Variants in LAMA1 observed in about 807,000 individuals in gnomAD.
LAMA1 encodes laminin subunit alpha-1.
Under a neutral mutation model 348.7 loss-of-function variants are expected in LAMA1, and 219 were observed. That is an observed-to-expected ratio of 0.63 (90% CI 0.56 to 0.70). LAMA1 has a LOEUF of 0.70. Among genes scored for constraint, LAMA1 ranks in the 30% least tolerant of loss-of-function variants. The pLI is 0.00. For synonymous variants in LAMA1, 1,487 were observed against 1,491.0 expected, an observed-to-expected ratio of 1.00 and a Z score of 0.06; for missense variants, 3,744 against 3,888.0, an observed-to-expected ratio of 0.96 and a Z score of 0.99.
chr18:7,052,928 G>A lies in LAMA1; in HGVS notation c.346-1992C>T, dbSNP rs559834422. ...CCGACTACTCGGGAGGCTGAGGCAG[G>A]AGAATCGCTTGAACCCAGGAGGCGG... On this transcript the variant is annotated intron_variant, in intron 3 of 62. Transcript: ENST00000389658. Among the ~76,000 whole-genome samples, 6 of 152,184 alleles carry A rather than the reference G, an allele frequency of 3.9e-5. No individual in the cohort carries two copies. The South Asian group carries it at 1.2e-3, about 32-fold the overall frequency.
intron 19 of LAMA1, among the ~76,000 whole-genome samples, chr18:7,019,307 C>T (rs957171478): frequency 6.6e-6 from 1 of 152,078 alleles, no homozygotes; most frequent in African/African-American, 2.4e-5. Flanking sequence ...TTTGCATCGC[C>T]CTCTTCCTGT....
chr18:7,076,585 G>A (rs2058169218), intron 3 of LAMA1, among the ~76,000 whole-genome samples: 1 of 151,360 alleles, frequency 6.6e-6, no homozygotes, highest in Admixed American at 6.6e-5. Flanking sequence ...TTTTTTAAGT[G>A]AAGGACAATT....
At chr18:7,075,338 C>T (rs1284745699) in intron 3 of LAMA1, among the ~76,000 whole-genome samples, 2 of 152,072 alleles carry the variant, frequency 1.3e-5, no homozygotes, top group Non-Finnish European at 2.9e-5. Flanking sequence ...TAAAAAAGCA[C>T]AAGGTCAGGC....
chr18:6,951,526 A>T (rs1175694515), intron 57 of LAMA1, among the ~76,000 whole-genome samples: 6 of 152,198 alleles, frequency 3.9e-5, no homozygotes, highest in Non-Finnish European at 8.8e-5. Context: ...ATGTGGCTCC[A>T]ACATAGGGAG....
chr18:6,990,533 C>T (rs1048909098), intron 36 of LAMA1, among the ~76,000 whole-genome samples: 12 of 152,238 alleles, frequency 7.9e-5, no homozygotes, highest in African/African-American at 2.9e-4. Context: ...TGGAGCTGCC[C>T]GAGAAGAGCA....
At chr18:7,075,512 C>T (rs540020118) in intron 3 of LAMA1, among the ~76,000 whole-genome samples, 2 of 152,142 alleles carry the variant, frequency 1.3e-5, no homozygotes, top group South Asian at 2.1e-4. Flanking sequence ...ATCCCAGCTA[C>T]TCAGAAGGCT....
At chr18:7,065,863 G>A (rs1343118221) in intron 3 of LAMA1, among the ~76,000 whole-genome samples, 1 of 152,210 alleles carries the variant, frequency 6.6e-6, no homozygotes, top group Non-Finnish European at 1.5e-5. Context: ...TGACCTCACA[G>A]TTTTCCTAGC....
chr18:7,077,859 G>A (rs1048723773), intron 3 of LAMA1, among the ~76,000 whole-genome samples: 1 of 151,656 alleles, frequency 6.6e-6, no homozygotes, highest in Admixed American at 6.6e-5. Flanking sequence ...GCTGGACGTG[G>A]TGCTCATGCC....
In LAMA1 at chr18:6,977,734, G is replaced by A; in HGVS notation, c.6338C>T (p.Ala2113Val). Residue 2113 changes from alanine (A) to valine (V), a missense_variant, in exon 44 of 63, where the codon GCA becomes GTA. By Grantham distance (64) the Ala-to-Val change is moderately conservative. Around this residue, in one of 3 missense-constraint regions of LAMA1, gnomAD observed 1,983 missense variants for 1,934.3 expected, o/e 1.03. Coordinates refer to ENST00000389658, the MANE Select transcript of LAMA1 (RefSeq NM_005559.4). ...ACGGGGCCCCAAACTCACAGAAGCT[G>A]CTTGTTTGCGGGCCTGGCTGATCAA... ...KLLISQARKQ[A>V]ASIKVAVSAD... 1.2e-6 allele frequency: 2 copies of A among 1,614,106 alleles called. No homozygotes were observed. Among genetic ancestry groups the A allele is most frequent in the Non-Finnish European group, 1.7e-6 (2 of 1,179,984 alleles).
chr18:7,019,278 C>T (rs1437852895), intron 19 of LAMA1, among the ~76,000 whole-genome samples: 2 of 152,124 alleles, frequency 1.3e-5, no homozygotes, highest in African/African-American at 2.4e-5. Flanking sequence ...GGAAGGGACC[C>T]CGTGACCTCC....
chr18:7,017,188 A>G lies in LAMA1; in HGVS notation c.2808+90T>C, dbSNP rs2057892732. On this transcript the variant is annotated intron_variant, in intron 20 of 62. Coordinates refer to ENST00000389658, the MANE Select transcript of LAMA1 (RefSeq NM_005559.4). Reference sequence around the variant, plus strand: ...CTCTATAGCAGTGTGAGAACAAACTAATACACTTGGGGACTTAGCTCCTTC... The same window carrying G: ...CTCTATAGCAGTGTGAGAACAAACTGATACACTTGGGGACTTAGCTCCTTC... 6 of 982,876 alleles carry G rather than the reference A, an allele frequency of 6.1e-6. No individual in the cohort carries two copies. In the East Asian group the frequency reaches 1.5e-4, roughly 25 times the overall value. 60.9% of individuals were successfully genotyped at this position (982,876 alleles called of 1,614,324 possible). A position where few individuals can be genotyped will look rare whatever the true frequency, so the allele number is the denominator to read the frequency against.
intron 36 of LAMA1, among the ~76,000 whole-genome samples, chr18:6,986,576 A>G (rs925197232): frequency 6.8e-6 from 1 of 147,050 alleles, no homozygotes; most frequent in East Asian, 2.0e-4. Context: ...TTAGTGGTGC[A>G]TCTCACAGAT....
At chr18:7,055,738 C>A (rs2058078901) in intron 3 of LAMA1, among the ~76,000 whole-genome samples, 1 of 152,134 alleles carries the variant, frequency 6.6e-6, no homozygotes, top group African/African-American at 2.4e-5. Context: ...TATCTCTGAG[C>A]ATGAGCTACT....
chr18:6,997,837 T>A lies in LAMA1; in HGVS notation c.4711A>T (p.Ile1571Phe). The A allele has an allele frequency of 6.2e-7, 1 of 1,614,126 alleles. No homozygotes were observed. The highest frequency in any genetic ancestry group is 8.5e-7 in the Non-Finnish European group (1 of 1,180,014). Reference protein sequence around the residue: ...VGVLLNDLDEIGDAVLSLNLT... With the variant: ...VGVLLNDLDEFGDAVLSLNLT... ...TTCAGAGAAAGAACGGCATCACCAA[T>A]CTCATCCAAGTCATTCAGCAGCACA... Residue 1571 changes from isoleucine (I) to phenylalanine (F), a missense_variant, in exon 33 of 63, where the codon ATT becomes TTT. Ile to Phe is a conservative substitution (Grantham distance 21). Transcript: ENST00000389658.
intron 27 of LAMA1, 39 bp downstream of exon 27, chr18:7,009,200 T>C (rs765439397): frequency 9.3e-6 from 15 of 1,613,100 alleles, no homozygotes; most frequent in Non-Finnish European, 1.2e-5. Flanking sequence ...TGCTTTCAAA[T>C]ATGAAAATAA....
At chr18:6,979,728 T>C (rs1205751830) in intron 42 of LAMA1, among the ~76,000 whole-genome samples, 2 of 151,840 alleles carry the variant, frequency 1.3e-5, no homozygotes, top group African/African-American at 4.8e-5. Context: ...TGAAACCCCA[T>C]CTCTACTAAA....
intron 17 of LAMA1, 121 bp downstream of exon 17, chr18:7,025,857 TG>T (rs1297153910): frequency 2.9e-6 from 4 of 1,392,844 alleles, no homozygotes; most frequent in Middle Eastern, 2.5e-4. Flanking sequence ...CCAAATCAAT[TG>T]TCACTGGGCA....
chr18:6,942,584 T>C (rs1356823267), intron 62 of LAMA1, among the ~76,000 whole-genome samples: 1 of 152,010 alleles, frequency 6.6e-6, no homozygotes, highest in Non-Finnish European at 1.5e-5. Flanking sequence ...CAGCTTATTT[T>C]TGTATTTTTA....
chr18:6,944,080 G>A (rs563741826), intron 61 of LAMA1, among the ~76,000 whole-genome samples: 1 of 151,998 alleles, frequency 6.6e-6, no homozygotes, highest in South Asian at 2.1e-4. Flanking sequence ...CAGTGGCGCG[G>A]TCTTGGCTTA....
Sources: allele counts gnomAD v4.1 joint callset (sites outside exome capture counted in the v4.1 genomes callset), GRCh38; gene constraint gnomAD v4.1.1; regional missense constraint gnomAD v4.1.1; transcripts MANE v1.5; gene names NCBI Gene and HGNC (gene_info 2026-07-23, HGNC 2026-07-21).